Variants in NEMP2 observed in about 807,000 individuals in gnomAD.
NEMP2 encodes nuclear envelope integral membrane protein 2.
A neutral mutation model predicts 54.2 loss-of-function variants in NEMP2; 53 were observed. The observed-to-expected ratio is 0.98, with a 90% CI of 0.78 to 1.23. The LOEUF (loss-of-function observed/expected upper bound fraction) is 1.23, where lower values mean the gene tolerates loss of function less well. Ranked by LOEUF, NEMP2 falls within the 50% of genes most tolerant of loss-of-function variation. The pLI is 0.00. For missense variants in NEMP2, 455 were observed against 511.3 expected, an observed-to-expected ratio of 0.89 and a Z score of 1.06; for synonymous variants, 197 against 190.3, an observed-to-expected ratio of 1.04 and a Z score of -0.29.
the NEMP2 span, among the ~76,000 whole-genome samples, chr2:190,590,918 T>A: frequency 6.6e-6 from 1 of 152,156 alleles, no homozygotes; most frequent in African/African-American, 2.4e-5. The surrounding 1 kb of genome is among the most constrained non-coding windows in gnomAD (Gnocchi z 5.1). Context: ...TTCTTGGCTA[T>A]ATTCCCACAA....
rs1690480584 is a variant in NEMP2 at position 190,514,478 on chromosome 2, G to A, written c.928C>T (p.Leu310=). ...LMSSWSLHYP[L]RACSYMRWKM... is the part of the protein sequence containing the mutation. ...CACCTCATATAACTGCATGCTCTCA[G>A]TGGGTAGTGCAGACTCCAGGAGGAC... The change falls in exon 7 of 9, where the codon CTG becomes TTG. Residue 310 remains leucine, a synonymous_variant. Coordinates refer to ENST00000409150, the MANE Select transcript of NEMP2 (RefSeq NM_001142645.2). This position sits in a 1 kb window ranked among gnomAD's most constrained non-coding sequence, Gnocchi z 5.7. 1.9e-6 allele frequency: 3 copies of A among 1,551,454 alleles called. No homozygotes were observed. In the South Asian group the frequency reaches 3.6e-5, roughly 18 times the overall value.
At chr2:190,637,869 T>C in the NEMP2 span, among the ~76,000 whole-genome samples, 17 of 152,352 alleles carry the variant, frequency 1.1e-4, no homozygotes, top group African/African-American at 3.6e-4. The surrounding 1 kb of genome is among the most constrained non-coding windows in gnomAD (Gnocchi z 4.5). Flanking sequence ...TGCTTAATTG[T>C]TGAACAAGCA....
At chr2:190,497,861 C>A in the NEMP2 span, 5 of 968,296 alleles carry the variant, frequency 5.2e-6, no homozygotes, top group Non-Finnish European at 7.5e-6. The surrounding 1 kb of genome is among the most constrained non-coding windows in gnomAD (Gnocchi z 5.2). Context: ...AATTTCAGTA[C>A]TCTGTGAGCA....
At position 190,529,942 on chromosome 2, in the gene NEMP2, C is replaced by A. The variant is rs1234453335; in HGVS notation, c.98-4564G>T. 6.6e-6 allele frequency among the ~76,000 whole-genome samples: 1 copy of A among 152,242 alleles called. No homozygotes were observed. The highest frequency in any genetic ancestry group is 2.4e-5 in the African/African-American group (1 of 41,460). ...CCCTTGCCCTACCCCATGGCCAATA[C>A]ATCCATAGCTAGAGGGTTGAGTACT... is the stretch of plus-strand genomic sequence containing the variant. On this transcript the variant is annotated intron_variant, in intron 1 of 8. Transcript: ENST00000409150. The surrounding 1 kb of genome is among the most constrained non-coding windows in gnomAD (Gnocchi z 4.7).
chr2:190,464,429 C>T, the NEMP2 span, among the ~76,000 whole-genome samples: 1 of 152,166 alleles, frequency 6.6e-6, no homozygotes, highest in Non-Finnish European at 1.5e-5. Flanking sequence ...TCTTTCTTTG[C>T]TGCTCACACC....
chr2:190,488,425 T>A, the NEMP2 span, among the ~76,000 whole-genome samples: 3 of 152,150 alleles, frequency 2.0e-5, no homozygotes, highest in Admixed American at 6.5e-5. This position sits in a 1 kb window ranked among gnomAD's most constrained non-coding sequence, Gnocchi z 6.4. Flanking sequence ...ATTTTTGTTG[T>A]GGTGGTGAAA....
At chr2:190,500,168 A>G (rs369050834), downstream of NEMP2, 4 of 1,614,154 alleles carry the variant, frequency 2.5e-6, no homozygotes, top group Non-Finnish European at 3.4e-6. The surrounding 1 kb of genome is among the most constrained non-coding windows in gnomAD (Gnocchi z 5.3). Context: ...GGACCCGTGC[A>G]CAGAGGAGAG....
chr2:190,587,135 G>A, the NEMP2 span, among the ~76,000 whole-genome samples: 1 of 152,162 alleles, frequency 6.6e-6, no homozygotes, highest in African/African-American at 2.4e-5. The surrounding 1 kb of genome is among the most constrained non-coding windows in gnomAD (Gnocchi z 5.4). Flanking sequence ...ACACTTTTCT[G>A]TGGATCTCTC....
chr2:190,520,654 C>T lies in NEMP2; in HGVS notation c.214-1471G>A, dbSNP rs911696394. The stretch of plus-strand genomic sequence containing the variant: ...TATACACACCAATCCTTCCAGTATC[C>T]TGACCTCTCAGTTCCTGGGACTCCT... On this transcript the variant is annotated intron_variant, in intron 2 of 8. Transcript: ENST00000409150. This position sits in a 1 kb window ranked among gnomAD's most constrained non-coding sequence, Gnocchi z 5.4. 2.0e-5 allele frequency among the ~76,000 whole-genome samples: 3 copies of T among 152,188 alleles called. No homozygotes were observed. The highest frequency in any genetic ancestry group is 6.5e-5 in the Admixed American group (1 of 15,280).
At chr2:190,594,036 G>A in the NEMP2 span, among the ~76,000 whole-genome samples, 1 of 152,120 alleles carries the variant, frequency 6.6e-6, no homozygotes, top group Non-Finnish European at 1.5e-5. The surrounding 1 kb of genome is among the most constrained non-coding windows in gnomAD (Gnocchi z 5.6). Context: ...TCATTGCCGT[G>A]GCCTGAAGGC....
At chr2:190,459,677 T>C in the NEMP2 span, among the ~76,000 whole-genome samples, 1 of 152,184 alleles carries the variant, frequency 6.6e-6, no homozygotes, top group Admixed American at 6.5e-5. This position sits in a 1 kb window ranked among gnomAD's most constrained non-coding sequence, Gnocchi z 5.3. Context: ...GATATAAACA[T>C]GGTCACAGCA....
At chr2:190,587,356 T>G in the NEMP2 span, among the ~76,000 whole-genome samples, 4 of 152,160 alleles carry the variant, frequency 2.6e-5, no homozygotes, top group Admixed American at 2.6e-4. The surrounding 1 kb of genome is among the most constrained non-coding windows in gnomAD (Gnocchi z 5.4). Flanking sequence ...TGATGTCACC[T>G]GACCCTCTGT....
At chr2:190,466,488 C>T in the NEMP2 span, among the ~76,000 whole-genome samples, 67,632 of 152,016 alleles carry the variant, frequency 0.44, 15,736 homozygotes, top group East Asian at 0.61. Flanking sequence ...GGAAGGAATG[C>T]GAATGCTCTT....
the NEMP2 span, among the ~76,000 whole-genome samples, chr2:190,439,503 C>T: frequency 1.3e-5 from 2 of 152,122 alleles, no homozygotes; most frequent in Non-Finnish European, 2.9e-5. The surrounding 1 kb of genome is among the most constrained non-coding windows in gnomAD (Gnocchi z 5.8). Context: ...AGATGGTTCT[C>T]TTCTACCTTT....
At chr2:190,427,334 C>A in the NEMP2 span, among the ~76,000 whole-genome samples, 1 of 152,186 alleles carries the variant, frequency 6.6e-6, no homozygotes, top group Non-Finnish European at 1.5e-5. Flanking sequence ...ATTGTAGGCT[C>A]CCTGCTCAGC....
chr2:190,479,692 T>A, the NEMP2 span, among the ~76,000 whole-genome samples: 10 of 152,300 alleles, frequency 6.6e-5, no homozygotes, highest in African/African-American at 2.4e-4. Context: ...TTAAAATGTA[T>A]CTGATGAGAG....
In NEMP2 at chr2:190,533,869, C is replaced by A; in HGVS notation, c.97+690G>T. The A allele has an allele frequency of 1.6e-6, 1 of 632,806 alleles. No individual in the cohort carries two copies. Among genetic ancestry groups the A allele is most frequent in the South Asian group, 6.9e-5 (1 of 14,450 alleles). The allele number at this position is 632,806 out of a possible 1,614,324, so 39.2% of individuals were successfully genotyped here. ...GTTTCTGACTTCCCCAGGTGTCCTTCCCAGATCCTTCCCCAGTGTGCCAGC... is the reference window on the plus strand; with the variant it reads ...GTTTCTGACTTCCCCAGGTGTCCTTACCAGATCCTTCCCCAGTGTGCCAGC... On this transcript the variant is annotated intron_variant, in intron 1 of 8. Coordinates refer to ENST00000409150, the MANE Select transcript of NEMP2 (RefSeq NM_001142645.2). The surrounding 1 kb of genome is among the most constrained non-coding windows in gnomAD (Gnocchi z 4.3).
At chr2:190,645,215 T>C in the NEMP2 span, among the ~76,000 whole-genome samples, 1 of 152,172 alleles carries the variant, frequency 6.6e-6, no homozygotes, top group African/African-American at 2.4e-5. Context: ...GGATGATATT[T>C]GCAAGAGATA....
At position 190,528,592 on chromosome 2, in the gene NEMP2, G is replaced by A. The variant is rs1691030665; in HGVS notation, c.98-3214C>T. 6.6e-6 allele frequency among the ~76,000 whole-genome samples: 1 copy of A among 152,168 alleles called. No homozygotes were observed. The highest frequency in any genetic ancestry group is 2.1e-4 in the South Asian group (1 of 4,830). ...ACAGGTCTTTCTTCACCACCCATGT[G>A]CTCAATGCTAGATGGGCTTTTCTTG... is the stretch of plus-strand genomic sequence containing the variant. On this transcript the variant is annotated intron_variant, in intron 1 of 8. Coordinates refer to ENST00000409150, the MANE Select transcript of NEMP2 (RefSeq NM_001142645.2). This position sits in a 1 kb window ranked among gnomAD's most constrained non-coding sequence, Gnocchi z 4.3.
Sources: gnomAD v4.1 joint callset for allele counts (sites outside exome capture counted in the v4.1 genomes callset) on GRCh38, gnomAD v4.1.1 for gene constraint, Gnocchi (gnomAD v3.1) non-coding constraint, MANE v1.5 for transcripts, NCBI Gene and HGNC (gene_info 2026-07-23, HGNC 2026-07-21) for gene names.